NRXN3: variants seen among roughly 807,000 people sequenced by gnomAD.
NRXN3 encodes the protein neurexin 3, also known as neurexin III.
NRXN3 carries 32 observed loss-of-function variants against 137.6 expected under a neutral mutation model. That is an observed-to-expected ratio of 0.23 (90% CI 0.18 to 0.31). NRXN3 has a LOEUF of 0.31. NRXN3 is among the 10% of genes least tolerant of loss of function. The probability of loss-of-function intolerance (pLI) is 1.00; values close to 1 mark genes in which losing one functional copy is unlikely to be tolerated. For synonymous variants in NRXN3, 798 were observed against 784.5 expected (o/e 1.02, Z -0.29); for missense variants, 1,574 against 2,062.5 (o/e 0.76, Z 4.59).
intron 16 of NRXN3, among the ~76,000 whole-genome samples, chr14:79,604,690 G>A (rs1424900364): frequency 2.0e-5 from 3 of 152,158 alleles, no homozygotes; most frequent in Non-Finnish European, 4.4e-5. Context: ...AGCTACCATT[G>A]TTGTTATATC....
intron 10 of NRXN3, among the ~76,000 whole-genome samples, chr14:78,932,835 A>G: frequency 6.6e-6 from 1 of 152,158 alleles, no homozygotes; most frequent in Non-Finnish European, 1.5e-5. Context: ...ATGAAGTAGA[A>G]CCCTGTATAA....
At chr14:78,787,028 C>T (rs2098791149) in intron 8 of NRXN3, among the ~76,000 whole-genome samples, 1 of 152,092 alleles carries the variant, frequency 6.6e-6, no homozygotes, top group Non-Finnish European at 1.5e-5. Context: ...GATAAAGTGA[C>T]AAGAAACTGA....
rs1281770981 is a variant in NRXN3 at position 79,853,160 on chromosome 14, C to G, written c.4094-8182C>G. Among the ~76,000 whole-genome samples, 4 of 152,216 alleles carry G rather than the reference C, an allele frequency of 2.6e-5. No individual in the cohort carries two copies. In the East Asian group the frequency reaches 7.7e-4, roughly 29 times the overall value. ...AGTAATTAGCAACCCAGTGCGTGGGCCCCCTGCTTAGTAGTGCGTCTCAAT... is the reference window on the plus strand; with the variant it reads ...AGTAATTAGCAACCCAGTGCGTGGGGCCCCTGCTTAGTAGTGCGTCTCAAT... On this transcript the variant is annotated intron_variant, in intron 20 of 20. Transcript: ENST00000335750.
intron 15 of NRXN3, among the ~76,000 whole-genome samples, chr14:79,295,786 A>G (rs2083985958): frequency 6.6e-6 from 1 of 152,182 alleles, no homozygotes; most frequent in Admixed American, 6.5e-5. Flanking sequence ...GTAGACTGCT[A>G]CTAATTTTTC....
chr14:79,225,593 G>A (rs1203245834), intron 15 of NRXN3, among the ~76,000 whole-genome samples: 1 of 151,798 alleles, frequency 6.6e-6, no homozygotes, highest in Non-Finnish European at 1.5e-5. Context: ...GTCCATTATG[G>A]GTTGCACTAG....
At chr14:78,352,967 G>T (rs947919668) in intron 4 of NRXN3, among the ~76,000 whole-genome samples, 3 of 152,198 alleles carry the variant, frequency 2.0e-5, no homozygotes, top group Admixed American at 1.3e-4. Context: ...TTGAAAGGAG[G>T]ATGGGATTGG....
rs369686438 is a variant in NRXN3, at chr14:78,882,630, A to T, written c.2275+72286A>T. Among the ~76,000 whole-genome samples the T allele has an allele frequency of 3.3e-5, 5 of 151,576 alleles. 1 individual carries two copies. Among genetic ancestry groups the T allele is most frequent in the African/African-American group, 1.2e-4 (5 of 40,974 alleles). ...ATGGGTATATTTACCCAATGCCTAT[A>T]CCCCCATTTTATCTAGGAAGTAACT... On this transcript the variant is annotated intron_variant, in intron 10 of 20. Transcript: ENST00000335750.
intron 16 of NRXN3, among the ~76,000 whole-genome samples, chr14:79,509,575 A>ATG (rs1362258850): frequency 6.6e-6 from 1 of 151,138 alleles, no homozygotes; most frequent in African/African-American, 2.4e-5. Context: ...GTATATATAT[A>ATG]TGTGTGTATA....
intron 4 of NRXN3, among the ~76,000 whole-genome samples, chr14:78,527,313 G>C (rs764919083): frequency 6.6e-6 from 1 of 152,176 alleles, no homozygotes; most frequent in Non-Finnish European, 1.5e-5. Context: ...ATGGCAGAAC[G>C]AAAGGGGGAA....
chr14:79,848,681 C>G (rs369428216), intron 20 of NRXN3, among the ~76,000 whole-genome samples: 1 of 152,180 alleles, frequency 6.6e-6, no homozygotes, highest in Non-Finnish European at 1.5e-5. Flanking sequence ...ATCAACAGCC[C>G]AAGATTCTCC....
At chr14:78,421,755 G>A (rs2093455944) in intron 4 of NRXN3, among the ~76,000 whole-genome samples, 1 of 152,096 alleles carries the variant, frequency 6.6e-6, no homozygotes, top group African/African-American at 2.4e-5. Flanking sequence ...AAACTTGTGA[G>A]CTCATGCGAT....
intron 10 of NRXN3, among the ~76,000 whole-genome samples, chr14:78,895,270 C>T (rs750887426): frequency 1.1e-4 from 16 of 151,852 alleles, no homozygotes; most frequent in Non-Finnish European, 1.9e-4. Context: ...CTGGATGTAA[C>T]GGATAACTTG....
chr14:79,218,184 A>C (rs1212323624), intron 15 of NRXN3, among the ~76,000 whole-genome samples: 4 of 152,186 alleles, frequency 2.6e-5, no homozygotes, highest in Non-Finnish European at 5.9e-5. Flanking sequence ...TATAGTTTGC[A>C]CCCGAAAGCG....
intron 4 of NRXN3, among the ~76,000 whole-genome samples, chr14:78,343,761 C>G (rs566027261): frequency 3.3e-3 from 508 of 152,320 alleles, no homozygotes; most frequent in African/African-American, 0.012. Flanking sequence ...CTGTTCTCCA[C>G]CTTGGCCGCA....
In NRXN3 at chr14:78,506,643, G is replaced by GTTT. The variant is rs71131653; in HGVS notation, c.758-138449_758-138447dup. On this transcript the variant is annotated intron_variant, in intron 4 of 20. Transcript: ENST00000335750. ...AGGTAATATCTCATATCTCATTGTA[G>GTTT]TTTTTTTTTTTTTTTTTTTTTTTTT... is the stretch of plus-strand genomic sequence containing the variant. Among the ~76,000 whole-genome samples the GTTT allele has an allele frequency of 1.3e-3, 142 of 105,370 alleles. 15 individuals are homozygous for GTTT. Among genetic ancestry groups the GTTT allele is most frequent in the African/African-American group, 3.1e-3 (87 of 27,912 alleles). 69.1% of individuals were successfully genotyped at this position (105,370 alleles called of 152,430 possible). A position where few individuals can be genotyped will look rare whatever the true frequency, so the allele number is the denominator to read the frequency against.
At chr14:79,526,178 G>T (rs1036231882) in intron 16 of NRXN3, among the ~76,000 whole-genome samples, 4 of 152,132 alleles carry the variant, frequency 2.6e-5, no homozygotes, top group African/African-American at 9.7e-5. Flanking sequence ...CTCCCGAGTA[G>T]CTGGGATTAC....
At chr14:79,636,486 A>G (rs560871608) in intron 16 of NRXN3, among the ~76,000 whole-genome samples, 4 of 152,166 alleles carry the variant, frequency 2.6e-5, no homozygotes, top group African/African-American at 9.7e-5. Context: ...TTTGTGTCAC[A>G]TAGAGTGTTT....
intron 4 of NRXN3, among the ~76,000 whole-genome samples, chr14:78,563,154 A>G (rs2096803103): frequency 6.6e-6 from 1 of 152,220 alleles, no homozygotes; most frequent in African/African-American, 2.4e-5. Flanking sequence ...AAGAAAAACT[A>G]TTCTTAGAAA....
At position 79,400,125 on chromosome 14, in the gene NRXN3, G is replaced by A. The variant is rs74599314; in HGVS notation, c.3263-67096G>A. Among the ~76,000 whole-genome samples the A allele has an allele frequency of 7.8e-3, 1,189 of 152,244 alleles. 17 individuals are homozygous for A. The highest frequency in any genetic ancestry group is 0.026 in the African/African-American group (1,082 of 41,546). ...CATTTAAACTAATTGTATCTACAAC[G>A]ATTCTATTTGCAAGTAATATCACAT... On this transcript the variant is annotated intron_variant, in intron 15 of 20. Coordinates refer to ENST00000335750, the MANE Select transcript of NRXN3 (RefSeq NM_001330195.2).
Sources: allele counts gnomAD v4.1 joint callset (sites outside exome capture counted in the v4.1 genomes callset), GRCh38; gene constraint gnomAD v4.1.1; transcripts MANE v1.5; gene names NCBI Gene and HGNC (gene_info 2026-07-23, HGNC 2026-07-21).